The following SGMS1 variants were observed in gnomAD, a reference collection of about 807,000 sequenced individuals.
SGMS1 encodes phosphatidylcholine:ceramide cholinephosphotransferase 1.
Under a neutral mutation model 46.2 loss-of-function variants are expected in SGMS1, and 13 were observed. That is an observed-to-expected ratio of 0.28 (90% CI 0.18 to 0.45). The LOEUF is 0.45. SGMS1 is among the 20% of genes least tolerant of loss of function. SGMS1 has a pLI of 1.00. For missense variants in SGMS1, 324 were observed against 519.9 expected, an observed-to-expected ratio of 0.62 and a Z score of 3.66; for synonymous variants, 203 against 187.8, an observed-to-expected ratio of 1.08 and a Z score of -0.66.
chr10:50,592,101 G>A (rs190531611), intron 1 of SGMS1, among the ~76,000 whole-genome samples: 8 of 152,134 alleles, frequency 5.3e-5, no homozygotes, highest in Admixed American at 3.9e-4. Flanking sequence ...TCCACAAAGG[G>A]GAGATGGTGC....
intron 6 of SGMS1, among the ~76,000 whole-genome samples, chr10:50,405,396 T>C (rs1053746713): frequency 7.9e-5 from 12 of 152,192 alleles, no homozygotes; most frequent in African/African-American, 2.2e-4. Context: ...CAGATGGAGA[T>C]AGATCGAGTA....
intron 1 of SGMS1, among the ~76,000 whole-genome samples, chr10:50,613,967 C>T (rs1033761822): frequency 2.0e-5 from 3 of 152,172 alleles, no homozygotes; most frequent in African/African-American, 7.2e-5. Flanking sequence ...TTTTTTCCTA[C>T]AAACACAGTT....
At chr10:50,414,842 C>T (rs1210048165) in intron 6 of SGMS1, among the ~76,000 whole-genome samples, 2 of 152,192 alleles carry the variant, frequency 1.3e-5, no homozygotes, top group African/African-American at 4.8e-5. Flanking sequence ...GCGACACTAT[C>T]GACACCTTGC....
In SGMS1 at chr10:50,623,858, C is replaced by T. The variant is rs1838882393; in HGVS notation, c.-835G>A. 2 of 985,872 alleles carry T rather than the reference C, an allele frequency of 2.0e-6. No homozygotes were observed. Among genetic ancestry groups the T allele is most frequent in the African/African-American group, 3.5e-5 (2 of 57,248 alleles). 61.1% of individuals were successfully genotyped at this position (985,872 alleles called of 1,614,324 possible). A position where few individuals can be genotyped will look rare whatever the true frequency, so the allele number is the denominator to read the frequency against. Reference sequence around the variant, plus strand: ...CGAGGGGAGAGCAGTCAGCCCAGGCCGGTCCTTCTCACTCCCGACCTGCCC... The same window carrying T: ...CGAGGGGAGAGCAGTCAGCCCAGGCTGGTCCTTCTCACTCCCGACCTGCCC... On this transcript the variant is annotated 5_prime_UTR_variant, in exon 1 of 11. Coordinates refer to ENST00000361781, the MANE Select transcript of SGMS1 (RefSeq NM_147156.4).
At chr10:50,450,946 T>C (rs919823087) in intron 5 of SGMS1, among the ~76,000 whole-genome samples, 4 of 151,980 alleles carry the variant, frequency 2.6e-5, no homozygotes, top group African/African-American at 7.2e-5. Context: ...GGAGAATTTA[T>C]ATTTACATTC....
intron 3 of SGMS1, among the ~76,000 whole-genome samples, chr10:50,481,252 G>T (rs1012230253): frequency 6.6e-6 from 1 of 152,206 alleles, no homozygotes; most frequent in Non-Finnish European, 1.5e-5. Flanking sequence ...CTCAACAGGG[G>T]TCATCACACA....
At chr10:50,328,065 TTTA>T (rs762587498) in intron 7 of SGMS1, 48 of 387,042 alleles carry the variant, frequency 1.2e-4, no homozygotes, top group South Asian at 7.9e-4. Context: ...TAGAAATAGT[TTTA>T]TTATTATTAG....
chr10:50,585,194 T>C lies in SGMS1; in HGVS notation c.-589+4959A>G, dbSNP rs561974271. Among the ~76,000 whole-genome samples the C allele has an allele frequency of 2.0e-4, 31 of 152,372 alleles. No homozygotes were observed. In the South Asian group the frequency reaches 6.2e-3, roughly 31 times the overall value. ...TTATGCTGCATTCCAAACTTTATTA[T>C]CCAAACTCTATTATCTTGGTTGGCT... is the stretch of plus-strand genomic sequence containing the variant. On this transcript the variant is annotated intron_variant, in intron 2 of 10. Transcript: ENST00000361781.
intron 8 of SGMS1, among the ~76,000 whole-genome samples, chr10:50,314,648 G>C (rs1219891770): frequency 6.6e-6 from 1 of 152,108 alleles, no homozygotes; most frequent in East Asian, 1.9e-4. Context: ...AATCACAAAA[G>C]CAACAGGCTG....
intron 8 of SGMS1, among the ~76,000 whole-genome samples, chr10:50,319,880 G>A (rs1398313222): frequency 2.6e-5 from 4 of 152,136 alleles, no homozygotes; most frequent in Non-Finnish European, 4.4e-5. Context: ...TTAAAATTAT[G>A]TAAATATTAT....
At chr10:50,623,551 G>A (rs1234080674) in intron 1 of SGMS1, 156 bp downstream of exon 1, 1 of 982,108 alleles carries the variant, frequency 1.0e-6, no homozygotes, top group African/African-American at 1.7e-5. Context: ...CTGCCCGCCA[G>A]GTACGCGCGC....
At chr10:50,590,917 A>G (rs544192490) in intron 1 of SGMS1, among the ~76,000 whole-genome samples, 3 of 152,244 alleles carry the variant, frequency 2.0e-5, no homozygotes, top group East Asian at 1.9e-4. Flanking sequence ...TGGAGCTTCA[A>G]TGACTTGAGA....
chr10:50,547,421 G>A (rs1388648681), intron 2 of SGMS1, among the ~76,000 whole-genome samples: 1 of 152,124 alleles, frequency 6.6e-6, no homozygotes, highest in Admixed American at 6.6e-5. Context: ...CCACCTCTGT[G>A]CATATAAACT....
intron 6 of SGMS1, among the ~76,000 whole-genome samples, chr10:50,370,039 T>A (rs145926288): frequency 9.7e-4 from 148 of 152,278 alleles, no homozygotes; most frequent in African/African-American, 3.5e-3. Flanking sequence ...AAATATGGTA[T>A]AAATAATAAA....
At chr10:50,373,438 T>G (rs1192255174) in intron 6 of SGMS1, among the ~76,000 whole-genome samples, 3 of 152,044 alleles carry the variant, frequency 2.0e-5, no homozygotes, top group African/African-American at 7.2e-5. Context: ...CCCAAACCAT[T>G]TGATGAAAAG....
At chr10:50,457,532 A>T (rs1386751109) in intron 5 of SGMS1, among the ~76,000 whole-genome samples, 1 of 152,098 alleles carries the variant, frequency 6.6e-6, no homozygotes, top group Non-Finnish European at 1.5e-5. Context: ...CAAGGTAGTA[A>T]GCACAGTACC....
intron 5 of SGMS1, among the ~76,000 whole-genome samples, chr10:50,452,800 C>A (rs920818391): frequency 1.1e-4 from 16 of 152,084 alleles, no homozygotes; most frequent in Non-Finnish European, 1.8e-4. Context: ...CTTGCTACAC[C>A]AAAAGAGGAA....
chr10:50,400,396 C>CAT (rs10524155), intron 6 of SGMS1, among the ~76,000 whole-genome samples: 2 of 98,768 alleles, frequency 2.0e-5, no homozygotes, highest in African/African-American at 3.9e-5. Flanking sequence ...CACATCCTGG[C>CAT]ATATATATAT....
intron 7 of SGMS1, among the ~76,000 whole-genome samples, chr10:50,337,785 G>A (rs1362632781): frequency 6.6e-6 from 1 of 151,138 alleles, no homozygotes; most frequent in African/African-American, 2.4e-5. Flanking sequence ...ACAGAAGAGA[G>A]GAAAATGCTA....
Sources: allele counts gnomAD v4.1 joint callset (sites outside exome capture counted in the v4.1 genomes callset), GRCh38; gene constraint gnomAD v4.1.1; transcripts MANE v1.5; gene names NCBI Gene and HGNC (gene_info 2026-07-23, HGNC 2026-07-21).